Variants in CYTH4 observed in about 807,000 individuals in gnomAD.
The protein encoded by CYTH4 is cytohesin-4.
A neutral mutation model predicts 57.5 loss-of-function variants in CYTH4; 22 were observed. The ratio of observed to expected loss-of-function variants is 0.38; its 90% CI spans 0.27 to 0.55. The LOEUF (loss-of-function observed/expected upper bound fraction) is 0.55, where lower values mean the gene tolerates loss of function less well. Among genes scored for constraint, CYTH4 ranks in the 20% least tolerant of loss-of-function variants. The pLI is 0.74. For missense variants in CYTH4, 420 were observed against 535.6 expected (o/e 0.78, Z 2.13); for synonymous variants, 186 against 206.5 (o/e 0.90, Z 0.85).
At chr22:37,308,874 G>A (rs1411708070) in intron 8 of CYTH4, among the ~76,000 whole-genome samples, 1 of 44,112 alleles carries the variant, frequency 2.3e-5, no homozygotes, top group Non-Finnish European at 4.7e-5. Context: ...ATACATGTGC[G>A]TGTGTGTGCA....
chr22:37,309,955 T>TG (rs1305171383), intron 9 of CYTH4: 2 of 461,694 alleles, frequency 4.3e-6, no homozygotes, highest in African/African-American at 4.0e-5. Flanking sequence ...CCCGGCCGTC[T>TG]GCCCCTGCCT....
chr22:37,309,627 C>A (rs1352958157), intron 9 of CYTH4, among the ~76,000 whole-genome samples: 1 of 152,150 alleles, frequency 6.6e-6, no homozygotes, highest in Non-Finnish European at 1.5e-5. Context: ...CTCTCCCCAG[C>A]GGAATGGGGA....
chr22:37,286,756 A>T (rs954804268), intron 1 of CYTH4, among the ~76,000 whole-genome samples: 7 of 152,084 alleles, frequency 4.6e-5, no homozygotes, highest in African/African-American at 1.7e-4. Flanking sequence ...CGGAGCTGGG[A>T]CGGGGAGGGG....
Position 37,314,102 on chromosome 22 carries a change from G to A in CYTH4, c.*591G>A. The A allele has an allele frequency of 2.8e-6, 1 of 355,330 alleles. No individual in the cohort carries two copies. The highest frequency in any genetic ancestry group is 5.0e-6 in the Non-Finnish European group (1 of 198,846). The allele number at this position is 355,330 out of a possible 1,614,324, so 22.0% of individuals were successfully genotyped here. A position where few individuals can be genotyped will look rare whatever the true frequency, so the allele number is the denominator to read the frequency against. Reference sequence around the variant, plus strand: ...TGCCCTAGGAGCCCGGACCCCACGAGCTCAGTCCCAGCTCTGCCTCTGACT... The same window carrying A: ...TGCCCTAGGAGCCCGGACCCCACGAACTCAGTCCCAGCTCTGCCTCTGACT... On this transcript the variant is annotated 3_prime_UTR_variant, in exon 13 of 13. Transcript: ENST00000248901.
In CYTH4 at chr22:37,314,470, G is replaced by C. The variant is rs1011135478; in HGVS notation, c.*959G>C. The C allele has an allele frequency of 1.3e-5, 5 of 398,684 alleles. No homozygotes were observed. The Admixed American group carries it at 1.3e-4, about 11-fold the overall frequency. The allele number at this position is 398,684 out of a possible 1,614,324, so 24.7% of individuals were successfully genotyped here. On this transcript the variant is annotated 3_prime_UTR_variant, in exon 13 of 13. Transcript: ENST00000248901. ...TTTCGTGCACTGTGGTTAACAGGAGGGCTGCCTGGAGGCAGTGGCTGAGCC... is the reference window on the plus strand; with the variant it reads ...TTTCGTGCACTGTGGTTAACAGGAGCGCTGCCTGGAGGCAGTGGCTGAGCC...
chr22:37,299,229 T>C lies in CYTH4; in HGVS notation c.357T>C (p.Asp119=). ...TCCCTTCCGCCTCCTCCCCCAGGGA[T>C]CCCATCAACCTGCAGGTCCTCCAGG... ...TAIGTYLGER[D]PINLQVLQAF... The change falls in exon 6 of 13, where the codon GAT becomes GAC. Residue 119 remains aspartate (D), a synonymous_variant. Coordinates refer to ENST00000248901, the MANE Select transcript of CYTH4 (RefSeq NM_013385.5). 6.2e-7 allele frequency: 1 copy of C among 1,610,724 alleles called. No individual in the cohort carries two copies. Among genetic ancestry groups the C allele is most frequent in the Non-Finnish European group, 8.5e-7 (1 of 1,177,474 alleles).
chr22:37,292,569 A>G (rs1244487959), intron 1 of CYTH4, 52 bp from the exon 2 acceptor site: 1 of 1,590,146 alleles, frequency 6.3e-7, no homozygotes, highest in East Asian at 2.2e-5. Flanking sequence ...AGTGAGGGCA[A>G]GTGGGTGTGG....
rs534012504 is a variant in CYTH4, at chr22:37,311,344, G to A, written c.886-112G>A. 1.9e-5 allele frequency: 18 copies of A among 972,838 alleles called. No homozygotes were observed. The highest frequency in any genetic ancestry group is 4.9e-5 in the East Asian group (2 of 40,796). 60.3% of individuals were successfully genotyped at this position (972,838 alleles called of 1,614,324 possible). A position where few individuals can be genotyped will look rare whatever the true frequency, so the allele number is the denominator to read the frequency against. ...CGTCCCCCTATGACTGGACAGTCTCGGAAGATGAGCACGCTCCTCTTTGAG... is the reference window on the plus strand; with the variant it reads ...CGTCCCCCTATGACTGGACAGTCTCAGAAGATGAGCACGCTCCTCTTTGAG... On this transcript the variant is annotated intron_variant, in intron 10 of 12. Coordinates refer to ENST00000248901, the MANE Select transcript of CYTH4 (RefSeq NM_013385.5). The surrounding 1 kb of genome is among the most constrained non-coding windows in gnomAD (Gnocchi z 4.4).
In CYTH4 at chr22:37,314,521, GGAGA is replaced by G. The variant is rs140175608; in HGVS notation, c.*1018_*1021del. 4 of 398,156 alleles carry G rather than the reference GGAGA, an allele frequency of 1.0e-5. No individual in the cohort carries two copies. Among genetic ancestry groups the G allele is most frequent in the African/African-American group, 4.1e-5 (2 of 48,704 alleles). The allele number at this position is 398,156 out of a possible 1,614,324, so 24.7% of individuals were successfully genotyped here. A position where few individuals can be genotyped will look rare whatever the true frequency, so the allele number is the denominator to read the frequency against. The stretch of plus-strand genomic sequence containing the variant: ...AGAAAGTAACACAGAGCTCATGCTT[GGAGA>G]GAGAGAGTCTTGGCCATGGCTTTCC... On this transcript the variant is annotated 3_prime_UTR_variant, in exon 13 of 13. Transcript: ENST00000248901.
Position 37,311,434 on chromosome 22 carries a change from C to T in CYTH4, c.886-22C>T, listed in dbSNP as rs765578003. ...CAGGGTTCCGCTTCCTGACCCTGACCTTCCTTCCCCTTTCCCTGTAGGACA... is the reference window on the plus strand; with the variant it reads ...CAGGGTTCCGCTTCCTGACCCTGACTTTCCTTCCCCTTTCCCTGTAGGACA... On this transcript the variant is annotated intron_variant, in intron 10 of 12. Coordinates refer to ENST00000248901, the MANE Select transcript of CYTH4 (RefSeq NM_013385.5). This position sits in a 1 kb window ranked among gnomAD's most constrained non-coding sequence, Gnocchi z 4.4. 6 of 1,611,686 alleles carry T rather than the reference C, an allele frequency of 3.7e-6. No individual in the cohort carries two copies. In the East Asian group the frequency reaches 8.9e-5, roughly 24 times the overall value.
intron 1 of CYTH4, among the ~76,000 whole-genome samples, chr22:37,291,262 A>G (rs1312447426): frequency 1.3e-5 from 2 of 152,106 alleles, no homozygotes; most frequent in Non-Finnish European, 2.9e-5. Flanking sequence ...TCTTCTCCAC[A>G]CCGCTGCCTG....
At chr22:37,300,845 G>C (rs1455936273) in intron 6 of CYTH4, 62 bp from the exon 7 acceptor site, 1 of 1,394,544 alleles carries the variant, frequency 7.2e-7, no homozygotes, top group African/African-American at 1.4e-5. Flanking sequence ...AGGCAGGGCA[G>C]CTTGTCTGGG....
chr22:37,296,286 A>G (rs1928965156), intron 4 of CYTH4: 1 of 583,806 alleles, frequency 1.7e-6, no homozygotes, highest in Non-Finnish European at 3.0e-6. Flanking sequence ...AGCCAGGAGC[A>G]TGGAGGAGGC....
intron 1 of CYTH4, among the ~76,000 whole-genome samples, chr22:37,286,805 G>A (rs938432867): frequency 6.6e-6 from 1 of 152,178 alleles, no homozygotes; most frequent in Non-Finnish European, 1.5e-5. Context: ...ACACCAGCAG[G>A]ACTGGTGAGA....
At position 37,312,135 on chromosome 22, in the gene CYTH4, C is replaced by A. The variant is rs760651339; in HGVS notation, c.1073C>A (p.Thr358Asn). ...CACGAATCGTACCGCATCTCAGCCA[C>A]CAGTGCCGAGGAACGTGACCAGTGG... ...GKHESYRISA[T>N]SAEERDQWIE... The change falls in exon 12 of 13, where the codon ACC becomes AAC. Residue 358 changes from threonine (T) to asparagine (N), a missense_variant. By Grantham distance (65) the Thr-to-Asn change is moderately conservative. Coordinates refer to ENST00000248901, the MANE Select transcript of CYTH4 (RefSeq NM_013385.5). 1 of 1,614,238 alleles carries A rather than the reference C, an allele frequency of 6.2e-7. No individual in the cohort carries two copies. Among genetic ancestry groups the A allele is most frequent in the Non-Finnish European group, 8.5e-7 (1 of 1,180,032 alleles).
chr22:37,291,782 T>C (rs900767086), intron 1 of CYTH4, among the ~76,000 whole-genome samples: 1 of 152,186 alleles, frequency 6.6e-6, no homozygotes, highest in Admixed American at 6.5e-5. Context: ...AGCATGAAGA[T>C]AGGACAGCTG....
intron 4 of CYTH4, chr22:37,296,708 A>G (rs1408632925): frequency 6.5e-6 from 1 of 153,774 alleles, no homozygotes; most frequent in African/African-American, 2.4e-5. Flanking sequence ...TCACAGGCCC[A>G]AAGTGTTATA....
At chr22:37,296,197 C>T in intron 4 of CYTH4, 132 bp downstream of exon 4, 1 of 987,492 alleles carries the variant, frequency 1.0e-6, no homozygotes, top group Non-Finnish European at 1.5e-6. Context: ...CAGAGCTGAG[C>T]ATCTTGTCCA....
chr22:37,294,655 C>A lies in CYTH4; in HGVS notation c.103-5C>A. ...TCTCCCTGTCCTGCCCCTGCCACCC[C>A]ACAGAAGCTGAAGGATGAGATTGCA... On this transcript the variant is annotated splice_region_variant and splice_polypyrimidine_tract_variant and intron_variant, in intron 2 of 12. Transcript: ENST00000248901. 6.2e-7 allele frequency: 1 copy of A among 1,613,636 alleles called. No individual in the cohort carries two copies. Among genetic ancestry groups the A allele is most frequent in the Non-Finnish European group, 8.5e-7 (1 of 1,179,738 alleles).
Sources: gnomAD v4.1 joint callset for allele counts (sites outside exome capture counted in the v4.1 genomes callset) on GRCh38, gnomAD v4.1.1 for gene constraint, Gnocchi (gnomAD v3.1) non-coding constraint, MANE v1.5 for transcripts, NCBI Gene and HGNC (gene_info 2026-07-23, HGNC 2026-07-21) for gene names.